MSI2: variants seen among roughly 807,000 people sequenced by gnomAD.
MSI2 encodes the protein musashi RNA binding protein 2.
In MSI2, 17 loss-of-function variants were observed where a neutral mutation model predicts 45.6. That is an observed-to-expected ratio of 0.37 (90% CI 0.26 to 0.56). MSI2 has a LOEUF of 0.56. Ranked by LOEUF, MSI2 falls within the 20% of genes least tolerant of loss-of-function variation. The probability of loss-of-function intolerance (pLI) is 0.77; values close to 1 mark genes in which losing one functional copy is unlikely to be tolerated. For missense variants in MSI2, 293 were observed against 444.2 expected (o/e 0.66, Z 3.06); for synonymous variants, 156 against 158.2 (o/e 0.99, Z 0.11).
At chr17:57,493,479 T>G (rs1243469102) in intron 6 of MSI2, among the ~76,000 whole-genome samples, 3 of 152,016 alleles carry the variant, frequency 2.0e-5, no homozygotes, top group Non-Finnish European at 4.4e-5. Context: ...TTGGTCCCAG[T>G]CAATGAACAC....
chr17:57,264,824 G>C (rs1907632212), intron 5 of MSI2: 1 of 152,236 alleles, frequency 6.6e-6, no homozygotes, highest in South Asian at 2.1e-4. Flanking sequence ...TGCGACAGGA[G>C]ATGGGCTCGG....
chr17:57,652,271 C>A lies in MSI2; in HGVS notation c.790+110C>A. Reference sequence around the variant, plus strand: ...TGCATCTGTCCAACACCACTCTCACCACAGCCCCGGGGAGGGGGTGGACGG... The same window carrying A: ...TGCATCTGTCCAACACCACTCTCACAACAGCCCCGGGGAGGGGGTGGACGG... On this transcript the variant is annotated intron_variant, in intron 11 of 13. Coordinates refer to ENST00000284073, the MANE Select transcript of MSI2 (RefSeq NM_138962.4). This position sits in a 1 kb window ranked among gnomAD's most constrained non-coding sequence, Gnocchi z 4.1. 1 of 1,141,956 alleles carries A rather than the reference C, an allele frequency of 8.8e-7. No homozygotes were observed. Among genetic ancestry groups the A allele is most frequent in the Non-Finnish European group, 1.3e-6 (1 of 780,016 alleles). 70.7% of individuals were successfully genotyped at this position (1,141,956 alleles called of 1,614,324 possible). A position where few individuals can be genotyped will look rare whatever the true frequency, so the allele number is the denominator to read the frequency against.
intron 5 of MSI2, among the ~76,000 whole-genome samples, chr17:57,392,273 G>A (rs150794723): frequency 5.3e-5 from 8 of 152,272 alleles, no homozygotes; most frequent in East Asian, 3.9e-4. Context: ...CTGTGGCTGC[G>A]GCTTTTTCCC....
intron 5 of MSI2, among the ~76,000 whole-genome samples, chr17:57,271,194 C>T (rs985960374): frequency 6.6e-6 from 1 of 152,144 alleles, no homozygotes; most frequent in African/African-American, 2.4e-5. Context: ...TTGTCACTGG[C>T]TGTGACAGGC....
intron 5 of MSI2, among the ~76,000 whole-genome samples, chr17:57,383,137 A>G (rs1263020292): frequency 6.6e-6 from 1 of 152,234 alleles, no homozygotes; most frequent in Non-Finnish European, 1.5e-5. Flanking sequence ...TAATGGCTGG[A>G]CAGGAAATGA....
intron 10 of MSI2, among the ~76,000 whole-genome samples, chr17:57,645,434 T>G (rs535975906): frequency 2.0e-5 from 3 of 151,562 alleles, no homozygotes; most frequent in African/African-American, 7.3e-5. Flanking sequence ...TTGTTTTTTG[T>G]TTTTTGGTTT....
chr17:57,657,894 G>A (rs1911721230), intron 11 of MSI2, among the ~76,000 whole-genome samples: 1 of 152,200 alleles, frequency 6.6e-6, no homozygotes, highest in African/African-American at 2.4e-5. Context: ...GGAATATAAA[G>A]GCAGATGGCA....
Position 57,434,300 on chromosome 17 carries a change from G to T in MSI2, c.405+32829G>T, listed in dbSNP as rs530457607. The stretch of plus-strand genomic sequence containing the variant: ...ATTTTGGTAGAGACAGGGTTTCACC[G>T]TGTTGCCTAGGCTGATCTCGAACTC... On this transcript the variant is annotated intron_variant, in intron 6 of 13. Transcript: ENST00000284073. Among the ~76,000 whole-genome samples the T allele has an allele frequency of 5.3e-5, 8 of 152,198 alleles. No individual in the cohort carries two copies. In the East Asian group the frequency reaches 1.5e-3, roughly 29 times the overall value.
At chr17:57,694,397 AGCCTTGTCCCTG>A in the MSI2 span, among the ~76,000 whole-genome samples, 2 of 152,048 alleles carry the variant, frequency 1.3e-5, no homozygotes, top group Admixed American at 6.5e-5. Flanking sequence ...CTTGTGCCTT[AGCCTTGTCCCTG>A]GGTGTTGTGA....
chr17:57,451,940 G>T (rs889311489), intron 6 of MSI2, among the ~76,000 whole-genome samples: 3 of 152,210 alleles, frequency 2.0e-5, no homozygotes, highest in Non-Finnish European at 4.4e-5. Flanking sequence ...CCTTGGGGAA[G>T]AGGAGTATCA....
intron 6 of MSI2, among the ~76,000 whole-genome samples, chr17:57,502,439 A>C (rs1176756794): frequency 6.6e-6 from 1 of 151,594 alleles, no homozygotes; most frequent in Non-Finnish European, 1.5e-5. Flanking sequence ...GACGATGATA[A>C]TAGTGCATCC....
intron 7 of MSI2, among the ~76,000 whole-genome samples, chr17:57,581,595 C>T (rs2088208171): frequency 6.6e-6 from 1 of 152,116 alleles, no homozygotes; most frequent in Non-Finnish European, 1.5e-5. Flanking sequence ...GACCTTGAGT[C>T]GCTGTCTCGT....
intron 6 of MSI2, among the ~76,000 whole-genome samples, chr17:57,411,233 C>G (rs187618157): frequency 1.7e-3 from 260 of 152,306 alleles, no homozygotes; most frequent in African/African-American, 6.1e-3. Flanking sequence ...TCTCAAACTC[C>G]TGGACTCAAG....
intron 5 of MSI2, among the ~76,000 whole-genome samples, chr17:57,284,505 C>G (rs1478498220): frequency 6.6e-6 from 1 of 152,136 alleles, no homozygotes; most frequent in African/African-American, 2.4e-5. Context: ...CAGTCACAGC[C>G]CACTTTGAAA....
At chr17:57,640,550 T>TCTCA (rs1476169451) in intron 10 of MSI2, among the ~76,000 whole-genome samples, 1 of 152,194 alleles carries the variant, frequency 6.6e-6, no homozygotes, top group Non-Finnish European at 1.5e-5. Flanking sequence ...AACGCCATCA[T>TCTCA]CTCACTGAAT....
the MSI2 span, among the ~76,000 whole-genome samples, chr17:57,689,841 T>C: frequency 6.6e-6 from 1 of 152,248 alleles, no homozygotes; most frequent in Non-Finnish European, 1.5e-5. Flanking sequence ...GATTCATCAA[T>C]GTTTTGTGTA....
rs570161256 is a variant in MSI2 at position 57,310,884 on chromosome 17, C to T, written c.312+48692C>T. On this transcript the variant is annotated intron_variant, in intron 5 of 13. Transcript: ENST00000284073. ...CATCAGATAGACCCACCTTCAAATC[C>T]TTTTCTGCCCCTTACTATCTGGGGA... Among the ~76,000 whole-genome samples the T allele has an allele frequency of 2.6e-5, 4 of 152,362 alleles. No individual in the cohort carries two copies. In the South Asian group the frequency reaches 8.3e-4, roughly 32 times the overall value.
At chr17:57,516,737 G>A (rs982686508) in intron 6 of MSI2, among the ~76,000 whole-genome samples, 4 of 152,176 alleles carry the variant, frequency 2.6e-5, no homozygotes, top group Admixed American at 1.3e-4. Context: ...CAGTGATCAC[G>A]TGTTCCTTTT....
intron 1 of MSI2, 112 bp from the exon 2 acceptor site, chr17:57,256,986 C>T: frequency 6.3e-7 from 1 of 1,582,090 alleles, no homozygotes; most frequent in Admixed American, 1.7e-5. Flanking sequence ...ACCCCACCTC[C>T]CGGCTCTCGC....
Sources: gnomAD v4.1 joint callset for allele counts (sites outside exome capture counted in the v4.1 genomes callset) on GRCh38, gnomAD v4.1.1 for gene constraint, Gnocchi (gnomAD v3.1) non-coding constraint, MANE v1.5 for transcripts, NCBI Gene and HGNC (gene_info 2026-07-23, HGNC 2026-07-21) for gene names.